Variants in ZNF407 observed in about 807,000 individuals in gnomAD.
The protein encoded by ZNF407 is zinc finger protein 407.
In ZNF407, 17 loss-of-function variants were observed where a neutral mutation model predicts 131.2. The ratio of observed to expected loss-of-function variants is 0.13; its 90% CI spans 0.09 to 0.19. The LOEUF (loss-of-function observed/expected upper bound fraction) is 0.19, where lower values mean the gene tolerates loss of function less well. ZNF407 is among the 10% of genes least tolerant of loss of function. ZNF407 has a pLI of 1.00. For missense variants in ZNF407, 2,681 were observed against 2,830.6 expected (o/e 0.95, Z 1.20); for synonymous variants, 1,156 against 1,062.0 (o/e 1.09, Z -1.72).
chr18:74,797,676 T>G (rs1461941690), intron 4 of ZNF407, among the ~76,000 whole-genome samples: 3 of 152,210 alleles, frequency 2.0e-5, no homozygotes, highest in Non-Finnish European at 4.4e-5. Context: ...TGAGCAATTT[T>G]AAGGATTTTT....
At chr18:74,999,844 G>C (rs1278859033) in intron 8 of ZNF407, among the ~76,000 whole-genome samples, 1 of 152,052 alleles carries the variant, frequency 6.6e-6, no homozygotes, top group East Asian at 1.9e-4. Context: ...ATGATGTTTT[G>C]ACACAATGTG....
At chr18:74,728,878 T>G (rs1196370942) in intron 3 of ZNF407, among the ~76,000 whole-genome samples, 1 of 152,148 alleles carries the variant, frequency 6.6e-6, no homozygotes, top group Non-Finnish European at 1.5e-5. Context: ...CTGGGGAATT[T>G]TAGAGACTAA....
chr18:75,026,914 G>A (rs1450303861), intron 8 of ZNF407, among the ~76,000 whole-genome samples: 1 of 152,186 alleles, frequency 6.6e-6, no homozygotes, highest in East Asian at 1.9e-4. Flanking sequence ...GTCAGTCCCT[G>A]TGTGAAGTAC....
intron 8 of ZNF407, chr18:75,062,736 C>A: frequency 6.2e-6 from 1 of 160,616 alleles, no homozygotes; most frequent in Non-Finnish European, 1.3e-5. Flanking sequence ...AAAGATTTTC[C>A]GTTGGGTTAG....
chr18:74,721,320 A>G (rs561980263), intron 3 of ZNF407, among the ~76,000 whole-genome samples: 1 of 152,086 alleles, frequency 6.6e-6, no homozygotes, highest in African/African-American at 2.4e-5. Context: ...GTGTGTAGAC[A>G]TACTTCTGGA....
chr18:74,653,822 A>G (rs1158944196), intron 3 of ZNF407, among the ~76,000 whole-genome samples: 2 of 151,830 alleles, frequency 1.3e-5, no homozygotes, highest in Non-Finnish European at 3.0e-5. Flanking sequence ...GAAATGATGT[A>G]TGCTATTTGA....
At chr18:74,902,369 G>A (rs1971538080) in intron 7 of ZNF407, among the ~76,000 whole-genome samples, 1 of 152,214 alleles carries the variant, frequency 6.6e-6, no homozygotes, top group Admixed American at 6.5e-5. Flanking sequence ...GATCCCGGAG[G>A]AGATTGCCTT....
chr18:74,721,657 T>C (rs1338922616), intron 3 of ZNF407, among the ~76,000 whole-genome samples: 1 of 152,224 alleles, frequency 6.6e-6, no homozygotes, highest in Non-Finnish European at 1.5e-5. Context: ...AGCTAGCACA[T>C]ACTTTGGTCT....
intron 8 of ZNF407, among the ~76,000 whole-genome samples, chr18:74,970,889 G>T (rs779785210): frequency 6.6e-6 from 1 of 152,230 alleles, no homozygotes; most frequent in Non-Finnish European, 1.5e-5. Flanking sequence ...CTCCATGAGG[G>T]CCCTGCCCCT....
chr18:75,025,322 G>A (rs148535718), intron 8 of ZNF407, among the ~76,000 whole-genome samples: 7 of 152,280 alleles, frequency 4.6e-5, no homozygotes, highest in Non-Finnish European at 7.4e-5. Flanking sequence ...TGTTGGAGGC[G>A]CAAAGCCAAT....
In ZNF407 at chr18:74,746,545, C is replaced by T. The variant is rs574751337; in HGVS notation, c.4803-34883C>T. Among the ~76,000 whole-genome samples the T allele has an allele frequency of 2.0e-5, 3 of 151,846 alleles. No homozygotes were observed. In the East Asian group the frequency reaches 5.8e-4, roughly 29 times the overall value. On this transcript the variant is annotated intron_variant, in intron 3 of 8. Transcript: ENST00000299687. ...ATGAGAATATTCTTATTTTTTCTAT[C>T]CTAAATTATTTTATTGTTTTACTTT...
chr18:74,779,756 A>C (rs1176760142), intron 3 of ZNF407, among the ~76,000 whole-genome samples: 1 of 152,078 alleles, frequency 6.6e-6, no homozygotes, highest in African/African-American at 2.4e-5. Context: ...TTAATTAATA[A>C]TTTTGTTTTC....
chr18:74,818,081 A>C (rs1970291773), intron 4 of ZNF407, among the ~76,000 whole-genome samples: 1 of 152,216 alleles, frequency 6.6e-6, no homozygotes, highest in African/African-American at 2.4e-5. Context: ...AATGTGTTGC[A>C]CTAGGTCAGC....
At chr18:75,038,885 G>A (rs1462779272) in intron 8 of ZNF407, among the ~76,000 whole-genome samples, 3 of 152,240 alleles carry the variant, frequency 2.0e-5, no homozygotes, top group African/African-American at 7.2e-5. Flanking sequence ...AACAGGGGCT[G>A]TTAACTTAGG....
At chr18:74,832,924 A>G (rs1970505185) in intron 4 of ZNF407, among the ~76,000 whole-genome samples, 1 of 152,230 alleles carries the variant, frequency 6.6e-6, no homozygotes, top group South Asian at 2.1e-4. Context: ...TGGAAAAGGA[A>G]TTACTTGGAT....
chr18:74,722,204 T>C (rs541641028), intron 3 of ZNF407, among the ~76,000 whole-genome samples: 63 of 152,312 alleles, frequency 4.1e-4, no homozygotes, highest in African/African-American at 1.3e-3. Context: ...TTTTTTTCTC[T>C]ACTGCTTTCC....
rs144791261 is a variant in ZNF407 at position 74,938,520 on chromosome 18, T to C, written c.5428+17828T>C. Among the ~76,000 whole-genome samples the C allele has an allele frequency of 1.9e-3, 283 of 152,342 alleles. 5 individuals are homozygous for C. The highest frequency in any genetic ancestry group is 6.4e-3 in the African/African-American group (266 of 41,582). ...AATTTTTTTTTTACCTCCAACCATT[T>C]TTTAAAATTTTATCCATTTACTCGT... On this transcript the variant is annotated intron_variant, in intron 8 of 8. Coordinates refer to ENST00000299687, the MANE Select transcript of ZNF407 (RefSeq NM_017757.3).
intron 8 of ZNF407, among the ~76,000 whole-genome samples, chr18:74,941,631 G>A (rs1053006934): frequency 1.3e-5 from 2 of 152,184 alleles, no homozygotes; most frequent in African/African-American, 2.4e-5. Context: ...GTATTACATG[G>A]GTTAAGCATG....
chr18:74,628,287 C>T (rs1390884254), intron 1 of ZNF407, among the ~76,000 whole-genome samples: 15 of 152,050 alleles, frequency 9.9e-5, no homozygotes, highest in Non-Finnish European at 2.9e-5. Context: ...ATTTGCAGTT[C>T]AGTGGATTTT....
Sources: allele counts gnomAD v4.1 joint callset (sites outside exome capture counted in the v4.1 genomes callset), GRCh38; gene constraint gnomAD v4.1.1; transcripts MANE v1.5; gene names NCBI Gene and HGNC (gene_info 2026-07-23, HGNC 2026-07-21).